ELAVL2: variants seen among roughly 807,000 people sequenced by gnomAD.
ELAVL2 encodes the protein ELAV-like protein 2.
A neutral mutation model predicts 34.6 loss-of-function variants in ELAVL2; 4 were observed. That is an observed-to-expected ratio of 0.12 (90% CI 0.06 to 0.26). ELAVL2 has a LOEUF of 0.26. Among genes scored for constraint, ELAVL2 ranks in the 10% least tolerant of loss-of-function variants. The probability of loss-of-function intolerance (pLI) is 1.00; values close to 1 mark genes in which losing one functional copy is unlikely to be tolerated. For missense variants in ELAVL2, 432 were observed against 442.8 expected, an observed-to-expected ratio of 0.98 and a Z score of 0.22; for synonymous variants, 193 against 154.8, an observed-to-expected ratio of 1.25 and a Z score of -1.83.
intron 3 of ELAVL2, among the ~76,000 whole-genome samples, chr9:23,715,919 G>A: frequency 6.6e-6 from 1 of 152,114 alleles, no homozygotes; most frequent in Non-Finnish European, 1.5e-5. Flanking sequence ...GCCAATTTTG[G>A]TGAATTAAAC....
At chr9:23,754,124 C>T (rs1231280368) in intron 2 of ELAVL2, among the ~76,000 whole-genome samples, 1 of 152,002 alleles carries the variant, frequency 6.6e-6, no homozygotes, top group Admixed American at 6.6e-5. Context: ...ATAACTGTCT[C>T]GTGGGAGTGA....
chr9:23,695,076 G>A (rs1036149308), intron 5 of ELAVL2, among the ~76,000 whole-genome samples: 1 of 152,142 alleles, frequency 6.6e-6, no homozygotes, highest in African/African-American at 2.4e-5. Context: ...AAAAAGATGT[G>A]GGGTTTTATT....
intron 3 of ELAVL2, among the ~76,000 whole-genome samples, chr9:23,712,571 A>T (rs960468591): frequency 6.6e-6 from 1 of 152,178 alleles, no homozygotes; most frequent in Non-Finnish European, 1.5e-5. Context: ...AAATCAAACT[A>T]AGAATCCTGA....
intron 2 of ELAVL2, among the ~76,000 whole-genome samples, chr9:23,738,185 A>C (rs559250268): frequency 1.3e-5 from 2 of 152,328 alleles, no homozygotes; most frequent in South Asian, 4.1e-4. Flanking sequence ...GAGCTTTCTT[A>C]ATATCTCAGA....
Position 23,690,795 on chromosome 9 carries a change from A to G in ELAVL2, c.*1762T>C, listed in dbSNP as rs1411284398. 1.3e-5 allele frequency: 2 copies of G among 152,572 alleles called. No homozygotes were observed. The highest frequency in any genetic ancestry group is 4.8e-5 in the African/African-American group (2 of 41,434). 9.5% of individuals were successfully genotyped at this position (152,572 alleles called of 1,614,324 possible). A position where few individuals can be genotyped will look rare whatever the true frequency, so the allele number is the denominator to read the frequency against. ...GTTCTCAGTGCATCCTGATGAAGGC[A>G]TTTTTGCCTTCAGCTTTTTTGAAAA... On this transcript the variant is annotated 3_prime_UTR_variant, in exon 7 of 7. Transcript: ENST00000397312.
At chr9:23,777,695 C>G (rs1249493256) in intron 1 of ELAVL2, among the ~76,000 whole-genome samples, 2 of 152,150 alleles carry the variant, frequency 1.3e-5, no homozygotes, top group African/African-American at 4.8e-5. Flanking sequence ...TTCCACTGCA[C>G]TGGAACAGTA....
intron 1 of ELAVL2, among the ~76,000 whole-genome samples, chr9:23,769,575 G>T (rs2136253144): frequency 6.6e-6 from 1 of 152,292 alleles, no homozygotes; most frequent in East Asian, 1.9e-4. Context: ...ATAAAGGTTT[G>T]TAGCTTTAAA....
rs1236907552 is a variant in ELAVL2, at chr9:23,812,719, G to A, written c.-16+13087C>T. Among the ~76,000 whole-genome samples the A allele has an allele frequency of 2.7e-5, 4 of 149,750 alleles. No homozygotes were observed. The East Asian group carries it at 7.8e-4, about 29-fold the overall frequency. ...TTAATTCAAAATTAAGTTTTTAAGT[G>A]AGCATACACTTATACTAACACTCCA... On this transcript the variant is annotated intron_variant, in intron 1 of 6. Coordinates refer to ENST00000397312, the MANE Select transcript of ELAVL2 (RefSeq NM_004432.5).
chr9:23,763,562 G>T (rs545397086), intron 1 of ELAVL2, among the ~76,000 whole-genome samples: 1 of 151,874 alleles, frequency 6.6e-6, no homozygotes, highest in South Asian at 2.1e-4. Context: ...TTGAGGCAAA[G>T]AAAAAAAGCA....
chr9:23,725,617 A>G (rs1425063662), intron 3 of ELAVL2, among the ~76,000 whole-genome samples: 3 of 152,132 alleles, frequency 2.0e-5, no homozygotes, highest in African/African-American at 7.2e-5. Context: ...AACAAATTAT[A>G]ATGATAAAGA....
At position 23,795,630 on chromosome 9, in the gene ELAVL2, T is replaced by C. The variant is rs77625475; in HGVS notation, c.-16+30176A>G. Among the ~76,000 whole-genome samples the C allele has an allele frequency of 4.1e-3, 624 of 152,268 alleles. 4 individuals are homozygous for C. Among genetic ancestry groups the C allele is most frequent in the African/African-American group, 0.014 (592 of 41,544 alleles). ...CGTCCATAGTCATTGATATATAAAA[T>C]GTCTCAAAAAATAGGACTGTCATAA... On this transcript the variant is annotated intron_variant, in intron 1 of 6. Transcript: ENST00000397312.
At chr9:23,740,558 C>A (rs1443786280) in intron 2 of ELAVL2, among the ~76,000 whole-genome samples, 1 of 152,102 alleles carries the variant, frequency 6.6e-6, no homozygotes, top group Admixed American at 6.6e-5. Context: ...TCTCCAAATA[C>A]ATCTGTATTT....
At chr9:23,752,265 G>C (rs907992326) in intron 2 of ELAVL2, among the ~76,000 whole-genome samples, 1 of 152,046 alleles carries the variant, frequency 6.6e-6, no homozygotes, top group Admixed American at 6.6e-5. Context: ...AAATTGAGTG[G>C]CTAGGCTGGA....
At chr9:23,727,789 T>C (rs1011923880) in intron 3 of ELAVL2, among the ~76,000 whole-genome samples, 2 of 151,996 alleles carry the variant, frequency 1.3e-5, no homozygotes, top group African/African-American at 4.8e-5. Context: ...ATACTGAACA[T>C]CTGTCATTTA....
intron 1 of ELAVL2, among the ~76,000 whole-genome samples, chr9:23,798,812 G>A (rs1429195516): frequency 1.3e-5 from 2 of 152,016 alleles, no homozygotes; most frequent in Non-Finnish European, 2.9e-5. Flanking sequence ...ATGGTTCCCA[G>A]GCACACGTGT....
At chr9:23,850,580 T>A in the ELAVL2 span, among the ~76,000 whole-genome samples, 13 of 151,422 alleles carry the variant, frequency 8.6e-5, no homozygotes, top group Non-Finnish European at 1.6e-4. Context: ...GTGACAGCGC[T>A]ACCTCTTTGT....
At chr9:23,702,324 A>C (rs1319072869) in intron 4 of ELAVL2, among the ~76,000 whole-genome samples, 1 of 152,236 alleles carries the variant, frequency 6.6e-6, no homozygotes, top group East Asian at 1.9e-4. Context: ...AAGCTTTCTG[A>C]CCTCAGCAGC....
At chr9:23,701,813 G>A (rs1007987110) in intron 4 of ELAVL2, among the ~76,000 whole-genome samples, 1 of 151,998 alleles carries the variant, frequency 6.6e-6, no homozygotes, top group Non-Finnish European at 1.5e-5. Flanking sequence ...AGAAAAATTC[G>A]TGTCACTTAC....
chr9:23,709,497 T>C (rs1161131877), intron 3 of ELAVL2, among the ~76,000 whole-genome samples: 1 of 152,112 alleles, frequency 6.6e-6, no homozygotes, highest in East Asian at 1.9e-4. Flanking sequence ...TGCCTTCATA[T>C]GCACCTACAG....
Sources: gnomAD v4.1 joint callset for allele counts (sites outside exome capture counted in the v4.1 genomes callset) on GRCh38, gnomAD v4.1.1 for gene constraint, MANE v1.5 for transcripts, NCBI Gene and HGNC (gene_info 2026-07-23, HGNC 2026-07-21) for gene names.